QRFPR: variants seen among roughly 807,000 people sequenced by gnomAD.
QRFPR encodes pyroglutamylated RFamide peptide receptor.
In QRFPR, 37 loss-of-function variants were observed where a neutral mutation model predicts 31.3. The observed-to-expected ratio is 1.18, with a 90% CI of 0.91 to 1.56. The LOEUF (loss-of-function observed/expected upper bound fraction) is 1.56, where lower values mean the gene tolerates loss of function less well. Ranked by LOEUF, QRFPR falls within the 40% of genes most tolerant of loss-of-function variation. The probability of loss-of-function intolerance (pLI) is 0.00; values close to 1 mark genes in which losing one functional copy is unlikely to be tolerated. For synonymous variants in QRFPR, 197 were observed against 192.0 expected, an observed-to-expected ratio of 1.03 and a Z score of -0.22; for missense variants, 542 against 532.5, an observed-to-expected ratio of 1.02 and a Z score of -0.18.
At chr4:121,379,627 C>T (rs1314713010) in intron 1 of QRFPR, among the ~76,000 whole-genome samples, 1 of 152,088 alleles carries the variant, frequency 6.6e-6, no homozygotes, top group Non-Finnish European at 1.5e-5. Context: ...TTTTTTTTCC[C>T]CCATTATACG....
At position 121,330,608 on chromosome 4, in the gene QRFPR, T is replaced by C; in HGVS notation, c.798-85A>G. The C allele has an allele frequency of 3.2e-6, 3 of 941,486 alleles. No homozygotes were observed. The African/African-American group carries it at 4.8e-5, about 15-fold the overall frequency. 58.3% of individuals were successfully genotyped at this position (941,486 alleles called of 1,614,324 possible). ...ATAGCAAAGCTATTAAAGTCTGAGC[T>C]TAGTTCACTCAAACATAATTTTTAA... is the stretch of plus-strand genomic sequence containing the variant. On this transcript the variant is annotated intron_variant, in intron 4 of 5. Transcript: ENST00000394427.
chr4:121,342,476 G>A (rs1370050349), intron 1 of QRFPR, among the ~76,000 whole-genome samples: 2 of 152,186 alleles, frequency 1.3e-5, no homozygotes, highest in African/African-American at 4.8e-5. Flanking sequence ...CCTTCTCAAT[G>A]AGGCTGACCT....
At chr4:121,357,118 A>C (rs1435358780) in intron 1 of QRFPR, among the ~76,000 whole-genome samples, 1 of 152,058 alleles carries the variant, frequency 6.6e-6, no homozygotes, top group African/African-American at 2.4e-5. Context: ...ACACTAATCT[A>C]TATGTTACAA....
rs774981183 is a variant in QRFPR at position 121,329,614 on chromosome 4, A to G, written c.996T>C (p.Tyr332=). The G allele has an allele frequency of 2.0e-5, 32 of 1,612,686 alleles. No individual in the cohort carries two copies. The highest frequency in any genetic ancestry group is 6.7e-5 in the African/African-American group (5 of 74,928). The stretch of plus-strand genomic sequence containing the variant: ...TTTTGAAGTTTTCATTCATAAATGC[A>G]TAGACAATGGGATTACAGATGGAGT... ...FSNSICNPIV[Y]AFMNENFKKN... The change falls in exon 6 of 6, where the codon TAT becomes TAC. Residue 332 remains tyrosine (Y), a synonymous_variant. Transcript: ENST00000394427.
intron 1 of QRFPR, among the ~76,000 whole-genome samples, chr4:121,360,426 G>C (rs972425759): frequency 6.6e-6 from 1 of 152,090 alleles, no homozygotes; most frequent in Non-Finnish European, 1.5e-5. Flanking sequence ...CTAGAACAAA[G>C]CATTATCACT....
chr4:121,339,762 T>A (rs1725502244), intron 2 of QRFPR, among the ~76,000 whole-genome samples: 1 of 152,072 alleles, frequency 6.6e-6, no homozygotes, highest in Non-Finnish European at 1.5e-5. Flanking sequence ...AAGACCAGCC[T>A]GAGAAACATA....
At position 121,369,675 on chromosome 4, in the gene QRFPR, G is replaced by C; in HGVS notation, c.340+10633C>G. 6.3e-6 allele frequency: 10 copies of C among 1,582,514 alleles called. No homozygotes were observed. In the South Asian group the frequency reaches 1.0e-4, roughly 16 times the overall value. On this transcript the variant is annotated intron_variant, in intron 1 of 5. Coordinates refer to ENST00000394427, the MANE Select transcript of QRFPR (RefSeq NM_198179.3). The stretch of plus-strand genomic sequence containing the variant: ...TTCTGAAGGGATCTCAGTCCAAAGA[G>C]GCCCCACTTATCTGACAAGTTTCTG...
At chr4:121,345,434 C>T (rs78710157) in intron 1 of QRFPR, among the ~76,000 whole-genome samples, 7,045 of 152,272 alleles carry the variant, frequency 0.046, 234 homozygotes, top group East Asian at 0.11. Context: ...TTGCTTGCAA[C>T]GAAGTAGACT....
intron 2 of QRFPR, chr4:121,340,235 AG>A (rs1725515838): frequency 3.6e-6 from 2 of 550,266 alleles, no homozygotes; most frequent in Non-Finnish European, 6.5e-6. Flanking sequence ...AAACTGAAAA[AG>A]TATACCCAAA....
At position 121,332,923 on chromosome 4, in the gene QRFPR, A is replaced by C. The variant is rs139457842; in HGVS notation, c.695T>G (p.Ile232Ser). The change falls in exon 4 of 6, where the codon ATT becomes AGT. Residue 232 changes from isoleucine (I) to serine (S), a missense_variant. Physicochemically the swap from Ile to Ser is moderately radical, Grantham distance 142. Coordinates refer to ENST00000394427, the MANE Select transcript of QRFPR (RefSeq NM_198179.3). ...LFLLPLMVML[I>S]LYSKIGYELW... ...TTCATAACCAATTTTACTGTACAGAATAAGCATCACCATAAGAGGCAGGAG... is the reference window on the plus strand; with the variant it reads ...TTCATAACCAATTTTACTGTACAGACTAAGCATCACCATAAGAGGCAGGAG... 7.2e-4 allele frequency: 1,162 copies of C among 1,614,148 alleles called. 1 individual carries two copies. The highest frequency in any genetic ancestry group is 9.3e-4 in the Non-Finnish European group (1,094 of 1,179,986).
chr4:121,341,210 T>C (rs1725537834), intron 1 of QRFPR, among the ~76,000 whole-genome samples: 3 of 152,362 alleles, frequency 2.0e-5, no homozygotes, highest in South Asian at 4.1e-4. Flanking sequence ...TAGTTTAAAA[T>C]ATTTGAATGT....
chr4:121,342,338 T>G (rs755396537), intron 1 of QRFPR, among the ~76,000 whole-genome samples: 2 of 152,180 alleles, frequency 1.3e-5, no homozygotes, highest in Non-Finnish European at 2.9e-5. Context: ...AGGTGGCAGA[T>G]AGTGGATCAT....
intron 1 of QRFPR, among the ~76,000 whole-genome samples, chr4:121,371,016 T>A (rs1726232816): frequency 6.6e-6 from 1 of 152,220 alleles, no homozygotes; most frequent in African/African-American, 2.4e-5. Flanking sequence ...TATAATCTAG[T>A]TAATACAAAC....
intron 1 of QRFPR, among the ~76,000 whole-genome samples, chr4:121,366,472 A>G (rs1471674387): frequency 1.3e-5 from 2 of 149,686 alleles, no homozygotes; most frequent in African/African-American, 5.0e-5. Context: ...TGGTGCTTCT[A>G]TTCTCTCTCT....
At chr4:121,340,731 T>A in intron 1 of QRFPR, 121 bp from the exon 2 acceptor site, 1 of 837,640 alleles carries the variant, frequency 1.2e-6, no homozygotes, top group African/African-American at 1.7e-5. Flanking sequence ...TTGATAATTG[T>A]AATTACTCTG....
chr4:121,366,969 G>A (rs1385248689), intron 1 of QRFPR, among the ~76,000 whole-genome samples: 1 of 149,944 alleles, frequency 6.7e-6, no homozygotes, highest in Non-Finnish European at 1.5e-5. Flanking sequence ...GAAAGTCAAA[G>A]GACAATATTC....
chr4:121,375,207 G>A (rs777134028), intron 1 of QRFPR, among the ~76,000 whole-genome samples: 25 of 152,206 alleles, frequency 1.6e-4, no homozygotes, highest in Non-Finnish European at 2.4e-4. Flanking sequence ...CAGCTACCAC[G>A]AGTCCCATTC....
chr4:121,338,251 T>C (rs1430763488), intron 2 of QRFPR, among the ~76,000 whole-genome samples: 1 of 152,210 alleles, frequency 6.6e-6, no homozygotes, highest in African/African-American at 2.4e-5. Flanking sequence ...CCAATCATTT[T>C]TCTGGGCTTT....
At chr4:121,365,062 C>T (rs1344314961) in intron 1 of QRFPR, among the ~76,000 whole-genome samples, 1 of 149,538 alleles carries the variant, frequency 6.7e-6, no homozygotes, top group Non-Finnish European at 1.5e-5. Context: ...AAAAGAGATC[C>T]CTCTCTTCAT....
Sources: allele counts gnomAD v4.1 joint callset (sites outside exome capture counted in the v4.1 genomes callset), GRCh38; gene constraint gnomAD v4.1.1; transcripts MANE v1.5; gene names NCBI Gene and HGNC (gene_info 2026-07-23, HGNC 2026-07-21).